GRID2: variants seen among roughly 807,000 people sequenced by gnomAD.
GRID2 encodes the protein glutamate ionotropic receptor delta type subunit 2.
In GRID2, 33 loss-of-function variants were observed where a neutral mutation model predicts 114.8. The ratio of observed to expected loss-of-function variants is 0.29; its 90% CI spans 0.22 to 0.38. The LOEUF (loss-of-function observed/expected upper bound fraction) is 0.38. Among genes scored for constraint, GRID2 ranks in the 10% least tolerant of loss-of-function variants. GRID2 has a pLI of 1.00. For synonymous variants in GRID2, 505 were observed against 449.9 expected (o/e 1.12, Z -1.55); for missense variants, 1,184 against 1,257.7 (o/e 0.94, Z 0.89).
intron 4 of GRID2, among the ~76,000 whole-genome samples, chr4:93,115,804 A>G (rs1733189387): frequency 6.6e-6 from 1 of 152,062 alleles, no homozygotes; most frequent in South Asian, 2.1e-4. Context: ...ATTCACTACC[A>G]AGAGAACAGT....
chr4:92,624,299 C>T (rs1188051675), intron 2 of GRID2, among the ~76,000 whole-genome samples: 1 of 151,776 alleles, frequency 6.6e-6, no homozygotes, highest in Non-Finnish European at 1.5e-5. Context: ...CAGTCTGGCT[C>T]CAAAGCTGCG....
chr4:93,740,068 G>A (rs568729764), intron 14 of GRID2, among the ~76,000 whole-genome samples: 2 of 152,134 alleles, frequency 1.3e-5, no homozygotes, highest in South Asian at 2.1e-4. Flanking sequence ...TATAGAAGAC[G>A]GTGGTCCCAT....
chr4:92,940,750 C>T (rs1206589198), intron 2 of GRID2, among the ~76,000 whole-genome samples: 1 of 152,018 alleles, frequency 6.6e-6, no homozygotes, highest in African/African-American at 2.4e-5. Context: ...CCATCAATAC[C>T]TAATTTATTG....
intron 8 of GRID2, among the ~76,000 whole-genome samples, chr4:93,373,586 T>C (rs1392172837): frequency 2.6e-5 from 4 of 152,200 alleles, no homozygotes; most frequent in Non-Finnish European, 4.4e-5. Flanking sequence ...TCATGTTTGT[T>C]TTCCTGGAAC....
At chr4:93,585,951 C>G (rs1455468271) in intron 13 of GRID2, among the ~76,000 whole-genome samples, 2 of 151,924 alleles carry the variant, frequency 1.3e-5, no homozygotes, top group Non-Finnish European at 2.9e-5. Context: ...TATCCCGAGC[C>G]CTTCATTCTC....
intron 3 of GRID2, among the ~76,000 whole-genome samples, chr4:93,088,010 G>C (rs542728665): frequency 2.2e-4 from 33 of 152,194 alleles, no homozygotes; most frequent in African/African-American, 7.7e-4. Flanking sequence ...GGAATCTATG[G>C]ATGGAATTAG....
chr4:92,785,449 GT>G (rs1344352489), intron 2 of GRID2, among the ~76,000 whole-genome samples: 1 of 150,812 alleles, frequency 6.6e-6, no homozygotes, highest in Non-Finnish European at 1.5e-5. Flanking sequence ...TCCAAGATAC[GT>G]TTTTGAGAAA....
chr4:93,419,005 G>A (rs1470830262), intron 9 of GRID2, among the ~76,000 whole-genome samples: 1 of 150,020 alleles, frequency 6.7e-6, no homozygotes, highest in African/African-American at 2.5e-5. Context: ...ACTTTGAGTT[G>A]AGATTCTTCC....
In GRID2 at chr4:93,365,575, A is replaced by G. The variant is rs189774777; in HGVS notation, c.1246-30032A>G. Among the ~76,000 whole-genome samples, 3 of 152,190 alleles carry G rather than the reference A, an allele frequency of 2.0e-5. No individual in the cohort carries two copies. The East Asian group carries it at 5.8e-4, about 29-fold the overall frequency. ...TCATCTCACCCTCTCTACTTCCATA[A>G]CCTTACGGTGGTTTCTGCTTTGAGT... On this transcript the variant is annotated intron_variant, in intron 8 of 15. Coordinates refer to ENST00000282020, the MANE Select transcript of GRID2 (RefSeq NM_001510.4).
chr4:92,561,284 T>C (rs545551113), intron 1 of GRID2, among the ~76,000 whole-genome samples: 34 of 152,330 alleles, frequency 2.2e-4, no homozygotes, highest in African/African-American at 7.5e-4. Flanking sequence ...CTTTATTTCA[T>C]GTAATAACCT....
At chr4:93,335,437 A>G (rs1758953651) in intron 8 of GRID2, among the ~76,000 whole-genome samples, 1 of 152,114 alleles carries the variant, frequency 6.6e-6, no homozygotes, top group South Asian at 2.1e-4. Context: ...TTTGTACTAG[A>G]TAGAATATGT....
At chr4:93,690,959 TATAA>T (rs1473303266) in intron 14 of GRID2, among the ~76,000 whole-genome samples, 8 of 148,762 alleles carry the variant, frequency 5.4e-5, no homozygotes, top group African/African-American at 1.7e-4. Flanking sequence ...ACATAATATA[TATAA>T]ATAAGTCTTT....
chr4:93,136,437 C>T (rs974123888), intron 4 of GRID2, among the ~76,000 whole-genome samples: 7 of 151,954 alleles, frequency 4.6e-5, no homozygotes, highest in Non-Finnish European at 7.4e-5. Flanking sequence ...GAGAGCCTTC[C>T]GAGGCAGCTG....
Position 93,224,685 on chromosome 4 carries a change from A to C in GRID2, c.1035A>C (p.Arg345=). The change falls in exon 7 of 16, where the codon CGA becomes CGC. Residue 345 remains arginine (R), a synonymous_variant. Transcript: ENST00000282020. ...ANAFHKKLED[R]KWHSMASLSC... ...CTTTTCATAAGAAGCTGGAGGACCGAAAGTGGCACAGCATGGCAAGTCTGT... is the reference window on the plus strand; with the variant it reads ...CTTTTCATAAGAAGCTGGAGGACCGCAAGTGGCACAGCATGGCAAGTCTGT... 3 of 1,611,998 alleles carry C rather than the reference A, an allele frequency of 1.9e-6. No individual in the cohort carries two copies. Among genetic ancestry groups the C allele is most frequent in the Non-Finnish European group, 2.5e-6 (3 of 1,178,292 alleles).
intron 4 of GRID2, among the ~76,000 whole-genome samples, chr4:93,116,488 ATTAC>A (rs1733273284): frequency 6.6e-6 from 1 of 152,124 alleles, no homozygotes; most frequent in Admixed American, 6.6e-5. Flanking sequence ...TGTTTGAATT[ATTAC>A]TTTTCTTACT....
chr4:92,498,935 A>C (rs1387093481), intron 1 of GRID2, among the ~76,000 whole-genome samples: 18 of 151,346 alleles, frequency 1.2e-4, no homozygotes, highest in Non-Finnish European at 2.4e-4. Context: ...AGGTAAAAAA[A>C]AAAAAAAAAA....
chr4:93,122,856 G>C (rs1187181270), intron 4 of GRID2, among the ~76,000 whole-genome samples: 3 of 141,316 alleles, frequency 2.1e-5, no homozygotes, highest in Non-Finnish European at 4.5e-5. Context: ...TGTATTGAAA[G>C]GCAGCTCTGT....
intron 4 of GRID2, among the ~76,000 whole-genome samples, chr4:93,117,023 T>C (rs1353623300): frequency 1.3e-5 from 2 of 152,154 alleles, no homozygotes; most frequent in East Asian, 3.9e-4. Context: ...ACAATCATTG[T>C]TATTATATTC....
At chr4:92,983,400 A>G (rs937970666) in intron 2 of GRID2, among the ~76,000 whole-genome samples, 4 of 152,022 alleles carry the variant, frequency 2.6e-5, no homozygotes, top group African/African-American at 9.7e-5. Flanking sequence ...CTCATGATCT[A>G]TTCAGCTCTT....
Sources: allele counts gnomAD v4.1 joint callset (sites outside exome capture counted in the v4.1 genomes callset), GRCh38; gene constraint gnomAD v4.1.1; transcripts MANE v1.5; gene names NCBI Gene and HGNC (gene_info 2026-07-23, HGNC 2026-07-21).